Variants in SH2D3A observed in about 807,000 individuals in gnomAD.
SH2D3A encodes the protein SH2 domain-containing protein 3A.
Under a neutral mutation model 50.6 loss-of-function variants are expected in SH2D3A, and 46 were observed. The ratio of observed to expected loss-of-function variants is 0.91; its 90% CI spans 0.72 to 1.16. SH2D3A has a LOEUF of 1.16. SH2D3A is among the 50% of genes most tolerant of loss of function. SH2D3A has a pLI of 0.00. For synonymous variants in SH2D3A, 377 were observed against 348.4 expected (o/e 1.08, Z -0.91); for missense variants, 783 against 786.2 (o/e 1.00, Z 0.05).
At chr19:6,760,164 C>G (rs1328934613) in intron 3 of SH2D3A, among the ~76,000 whole-genome samples, 7 of 152,094 alleles carry the variant, frequency 4.6e-5, no homozygotes, top group Non-Finnish European at 8.8e-5. Context: ...CACTTGAGGT[C>G]AGGAGTTTGA....
chr19:6,766,456 T>C (rs3786684), intron 1 of SH2D3A, among the ~76,000 whole-genome samples: 14,690 of 152,096 alleles, frequency 0.097, 756 homozygotes, highest in African/African-American at 0.13. Flanking sequence ...AGACCAAGCA[T>C]AGAGAGAGGA....
In SH2D3A at chr19:6,755,004, A is replaced by T. The variant is rs761726592; in HGVS notation, c.808T>A (p.Cys270Ser). The change falls in exon 5 of 10, where the codon TGT becomes AGT. Residue 270 changes from cysteine to serine, a missense_variant. Cys to Ser is a moderately radical substitution (Grantham distance 112). Transcript: ENST00000245908. ...ATCTCAGCCTGTGGTCTTGTAAAACATCTATTCTCTTCCTCCTCATCCTCC... is the reference window on the plus strand; with the variant it reads ...ATCTCAGCCTGTGGTCTTGTAAAACTTCTATTCTCTTCCTCCTCATCCTCC... ...AEEDEEEENR[C>S]FTRPQAEISF... 3 of 1,613,890 alleles carry T rather than the reference A, an allele frequency of 1.9e-6. No homozygotes were observed. Among genetic ancestry groups the T allele is most frequent in the South Asian group, 1.1e-5 (1 of 91,076 alleles).
At chr19:6,754,784 G>C (rs775347853) in intron 5 of SH2D3A, 47 bp downstream of exon 5, 2 of 1,613,634 alleles carry the variant, frequency 1.2e-6, no homozygotes, top group South Asian at 2.2e-5. Context: ...AGGCATGGTT[G>C]GGTCTTGCCC....
chr19:6,757,140 C>T lies in SH2D3A; in HGVS notation c.497-1825G>A, dbSNP rs147831882. 8.1e-3 allele frequency among the ~76,000 whole-genome samples: 1,224 copies of T among 151,774 alleles called. 10 individuals are homozygous for T. Among genetic ancestry groups the T allele is most frequent in the African/African-American group, 0.028 (1,156 of 41,414 alleles). ...TTGGCCTCCCAAAGTGCTGGGATTA[C>T]AGGCTTGTAATTTCTGGACTATTAG... On this transcript the variant is annotated intron_variant, in intron 4 of 9. Coordinates refer to ENST00000245908, the MANE Select transcript of SH2D3A (RefSeq NM_005490.3).
In SH2D3A at chr19:6,752,602, AG is replaced by A. The variant is rs1303786916; in HGVS notation, c.1721del (p.Pro574LeufsTer83). The A allele has an allele frequency of 5.8e-6, 9 of 1,550,462 alleles. No homozygotes were observed. The highest frequency in any genetic ancestry group is 2.7e-5 in the African/African-American group (2 of 73,508). ...VLGVLSQRLE[P>X]DR Reference sequence around the variant, plus strand: ...AAGGGTGTCTGCGCTCTCAGCGGTCAGGCTCCAGGCGCTGCGACAGGACGCC... The same window carrying A: ...AAGGGTGTCTGCGCTCTCAGCGGTCAGCTCCAGGCGCTGCGACAGGACGCC... On this transcript the variant is annotated frameshift_variant, in exon 10 of 10. Coordinates refer to ENST00000245908, the MANE Select transcript of SH2D3A (RefSeq NM_005490.3). LOFTEE classifies it high-confidence loss of function.
Position 6,760,658 on chromosome 19 carries a change from T to C in SH2D3A, c.399A>G (p.Pro133=). The C allele has an allele frequency of 6.3e-7, 1 of 1,593,846 alleles. No homozygotes were observed. Among genetic ancestry groups the C allele is most frequent in the Admixed American group, 1.7e-5 (1 of 58,350 alleles). The change falls in exon 3 of 10, where the codon CCA becomes CCG. Residue 133 remains proline, a synonymous_variant. Transcript: ENST00000245908. ...SFSEDTLMDG[P]ARIEPLRARK... Reference sequence around the variant, plus strand: ...AGTACCTGAGAGGCTCTATCCGAGCTGGGCCATCCATCAGGGTGTCCTCGC... The same window carrying C: ...AGTACCTGAGAGGCTCTATCCGAGCCGGGCCATCCATCAGGGTGTCCTCGC...
At chr19:6,752,966 G>T (rs1446309499) in intron 9 of SH2D3A, 7 of 985,222 alleles carry the variant, frequency 7.1e-6, no homozygotes, top group Non-Finnish European at 8.4e-6. Context: ...GGGCTCTACC[G>T]CAGTGCAATG....
In SH2D3A at chr19:6,752,674, C is replaced by G. The variant is rs766614797; in HGVS notation, c.1650G>C (p.Ala550=). 8 of 1,552,956 alleles carry G rather than the reference C, an allele frequency of 5.2e-6. No homozygotes were observed. The highest frequency in any genetic ancestry group is 7.0e-6 in the Non-Finnish European group (8 of 1,148,306). ...VRRLLWGSRG[A]GAPRAERFEK... is the part of the protein sequence containing the mutation. ...CAAAGCGTTCAGCGCGCGGAGCTCC[C>G]GCGCCCCGGCTACCCCAGAGCAGCC... The change falls in exon 10 of 10, where the codon GCG becomes GCC. Residue 550 remains alanine (A), a synonymous_variant. Coordinates refer to ENST00000245908, the MANE Select transcript of SH2D3A (RefSeq NM_005490.3).
intron 2 of SH2D3A, among the ~76,000 whole-genome samples, chr19:6,762,997 G>A (rs779254434): frequency 6.6e-6 from 1 of 152,084 alleles, no homozygotes; most frequent in Admixed American, 6.6e-5. Context: ...GATGCTCAGG[G>A]TCCCAGAATT....
rs1203300546 is a variant in SH2D3A at position 6,754,039 on chromosome 19, G to A, written c.1384+13C>T. On this transcript the variant is annotated intron_variant, in intron 8 of 9. Coordinates refer to ENST00000245908, the MANE Select transcript of SH2D3A (RefSeq NM_005490.3). Reference sequence around the variant, plus strand: ...GGCCCCCAGGGGATGCTAAGCCCCAGACCTTCACTTACCAGCGCCCTCATC... The same window carrying A: ...GGCCCCCAGGGGATGCTAAGCCCCAAACCTTCACTTACCAGCGCCCTCATC... 1.9e-6 allele frequency: 3 copies of A among 1,589,192 alleles called. No individual in the cohort carries two copies. The highest frequency in any genetic ancestry group is 2.6e-6 in the Non-Finnish European group (3 of 1,166,742).
At chr19:6,764,696 G>A (rs575125311) in intron 1 of SH2D3A, among the ~76,000 whole-genome samples, 1 of 151,826 alleles carries the variant, frequency 6.6e-6, no homozygotes, top group Admixed American at 6.6e-5. Flanking sequence ...GAAAGTACAG[G>A]TGCTAGGGTG....
rs759492263 is a variant in SH2D3A at position 6,754,893 on chromosome 19, C to A, written c.919G>T (p.Gly307Cys). 1 of 1,604,128 alleles carries A rather than the reference C, an allele frequency of 6.2e-7. No homozygotes were observed. The highest frequency in any genetic ancestry group is 1.1e-5 in the South Asian group (1 of 89,388). The part of the protein sequence containing the change: ...LEPQVLHTLR[G>C]LFLEHHPGST... ...CCAGGATGGTGCTCCAGGAACAGGC[C>A]ACGGAGGGTATGCAGGACTTGGGGT... Residue 307 changes from glycine to cysteine, a missense_variant, in exon 5 of 10, where the codon GGC becomes TGC. By Grantham distance (159) the Gly-to-Cys change is radical (BLOSUM62 -3). Coordinates refer to ENST00000245908, the MANE Select transcript of SH2D3A (RefSeq NM_005490.3).
In SH2D3A at chr19:6,752,228, G is replaced by A; in HGVS notation, c.*365C>T. ...GATGAGGTCTCACCATGTTGCCCTG[G>A]CTGGTCTTGAACTCCTGGCCTCAAG... On this transcript the variant is annotated 3_prime_UTR_variant, in exon 10 of 10. Coordinates refer to ENST00000245908, the MANE Select transcript of SH2D3A (RefSeq NM_005490.3). 1 of 216,670 alleles carries A rather than the reference G, an allele frequency of 4.6e-6. No individual in the cohort carries two copies. Among genetic ancestry groups the A allele is most frequent in the Admixed American group, 5.8e-5 (1 of 17,134 alleles). 13.4% of individuals were successfully genotyped at this position (216,670 alleles called of 1,614,324 possible). A position where few individuals can be genotyped will look rare whatever the true frequency, so the allele number is the denominator to read the frequency against.
Position 6,759,653 on chromosome 19 carries a change from T to C in SH2D3A, c.437A>G (p.Asn146Ser). ...ATGTGCCAAATCTGCAGGCTGACTGTTGCTCCACTTCCTTGCCCTGGGGGA... is the reference window on the plus strand; with the variant it reads ...ATGTGCCAAATCTGCAGGCTGACTGCTGCTCCACTTCCTTGCCCTGGGGGA... Reference protein sequence around the residue: ...IEPLRARKWSNSQPADLAHMG... With the variant: ...IEPLRARKWSSSQPADLAHMG... The change falls in exon 4 of 10, where the codon AAC becomes AGC. Residue 146 changes from asparagine to serine, a missense_variant. Asn to Ser is a conservative substitution (Grantham distance 46). Coordinates refer to ENST00000245908, the MANE Select transcript of SH2D3A (RefSeq NM_005490.3). 2 of 1,613,858 alleles carry C rather than the reference T, an allele frequency of 1.2e-6. No individual in the cohort carries two copies. Among genetic ancestry groups the C allele is most frequent in the Non-Finnish European group, 1.7e-6 (2 of 1,179,846 alleles).
In SH2D3A at chr19:6,753,221, C is replaced by G; in HGVS notation, c.1570+235G>C. The G allele has an allele frequency of 5.1e-6, 5 of 985,276 alleles. No homozygotes were observed. The South Asian group carries it at 1.9e-4, about 37-fold the overall frequency. The allele number at this position is 985,276 out of a possible 1,614,324, so 61.0% of individuals were successfully genotyped here. On this transcript the variant is annotated intron_variant, in intron 9 of 9. Coordinates refer to ENST00000245908, the MANE Select transcript of SH2D3A (RefSeq NM_005490.3). Reference sequence around the variant, plus strand: ...GGGGAGTGGGGACCCGCGGAGGTGGCTCTGGGGGCAGGACAGCCCGTTTTG... The same window carrying G: ...GGGGAGTGGGGACCCGCGGAGGTGGGTCTGGGGGCAGGACAGCCCGTTTTG...
chr19:6,757,014 G>A (rs760728269), intron 4 of SH2D3A, among the ~76,000 whole-genome samples: 1 of 152,040 alleles, frequency 6.6e-6, no homozygotes, highest in Non-Finnish European at 1.5e-5. Context: ...GGGACCACAG[G>A]CGCCACCACA....
At position 6,760,911 on chromosome 19, in the gene SH2D3A, A is replaced by C; in HGVS notation, c.146T>G (p.Ile49Ser). 1.2e-6 allele frequency: 2 copies of C among 1,614,172 alleles called. No homozygotes were observed. The highest frequency in any genetic ancestry group is 1.7e-6 in the Non-Finnish European group (2 of 1,180,022). Residue 49 changes from isoleucine to serine, a missense_variant, in exon 3 of 10, where the codon ATC (isoleucine) becomes AGC (serine). By Grantham distance (142) the Ile-to-Ser change is moderately radical (BLOSUM62 -2). Coordinates refer to ENST00000245908, the MANE Select transcript of SH2D3A (RefSeq NM_005490.3). ...GGCTGAGCCCCGCCAGCGGCAGGAG[A>C]TCACGGGGTTGCCCCCACGGGACCC... ...ASGSRGGNPV[I>S]SCRWRGSALH...
intron 2 of SH2D3A, among the ~76,000 whole-genome samples, chr19:6,762,228 G>A (rs1326210936): frequency 1.3e-5 from 2 of 151,976 alleles, no homozygotes; most frequent in Non-Finnish European, 2.9e-5. Context: ...TTGTTGCTCA[G>A]GCTGGAGTGC....
chr19:6,753,910 C>T (rs920226603), intron 8 of SH2D3A, 142 bp downstream of exon 8: 68 of 1,120,610 alleles, frequency 6.1e-5, no homozygotes, highest in Non-Finnish European at 7.9e-5. Flanking sequence ...AGGGCCAGGA[C>T]CAACCCTCAT....
Sources: allele counts gnomAD v4.1 joint callset (sites outside exome capture counted in the v4.1 genomes callset), GRCh38; gene constraint gnomAD v4.1.1; transcripts MANE v1.5; gene names NCBI Gene and HGNC (gene_info 2026-07-23, HGNC 2026-07-21).